The following KCNIP4 variants were observed in gnomAD, a reference collection of about 807,000 sequenced individuals.
KCNIP4 encodes Kv channel-interacting protein 4.
Under a neutral mutation model 34.0 loss-of-function variants are expected in KCNIP4, and 12 were observed. The observed-to-expected ratio is 0.35, with a 90% CI of 0.23 to 0.57. KCNIP4 has a LOEUF of 0.57. Among genes scored for constraint, KCNIP4 ranks in the 20% least tolerant of loss-of-function variants. The pLI, the probability that KCNIP4 is intolerant of heterozygous loss-of-function variation, is 0.83. For synonymous variants in KCNIP4, 124 were observed against 102.2 expected, an observed-to-expected ratio of 1.21 and a Z score of -1.29; for missense variants, 238 against 311.7, an observed-to-expected ratio of 0.76 and a Z score of 1.78.
chr4:21,411,671 AAAC>A (rs761769151), intron 1 of KCNIP4, among the ~76,000 whole-genome samples: 1 of 152,006 alleles, frequency 6.6e-6, no homozygotes, highest in Non-Finnish European at 1.5e-5. Context: ...ATAAACAAAC[AAAC>A]AACAACAAAT....
intron 1 of KCNIP4, among the ~76,000 whole-genome samples, chr4:21,396,746 G>A (rs1289967872): frequency 6.6e-6 from 1 of 152,046 alleles, no homozygotes; most frequent in Non-Finnish European, 1.5e-5. Context: ...AGCTGGAATG[G>A]TGAAAGCAGT....
At chr4:20,869,005 TAGAC>T (rs1553909182) in intron 2 of KCNIP4, among the ~76,000 whole-genome samples, 10 of 152,100 alleles carry the variant, frequency 6.6e-5, no homozygotes, top group Non-Finnish European at 1.3e-4. Context: ...TGTAAAGAGA[TAGAC>T]ATACAGGTAA....
chr4:21,409,484 G>A lies in KCNIP4; in HGVS notation c.62-526775C>T, dbSNP rs115625722. 8.1e-3 allele frequency among the ~76,000 whole-genome samples: 1,224 copies of A among 152,006 alleles called. 10 individuals carry two copies. Among genetic ancestry groups the A allele is most frequent in the South Asian group, 0.025 (121 of 4,818 alleles). On this transcript the variant is annotated intron_variant, in intron 1 of 8. Transcript: ENST00000382152. ...ATTTCAATAAAGATCAAGCATCTGT[G>A]CTGAAAATTTACCATATGAATTAAA...
chr4:21,520,388 GTCTACTGTATT>G (rs1735423686), intron 1 of KCNIP4, among the ~76,000 whole-genome samples: 1 of 152,084 alleles, frequency 6.6e-6, no homozygotes, highest in African/African-American at 2.4e-5. Flanking sequence ...AAGCCACCAG[GTCTACTGTATT>G]TTGTTATAGT....
chr4:21,078,886 G>C (rs1385014993), intron 1 of KCNIP4, among the ~76,000 whole-genome samples: 1 of 152,044 alleles, frequency 6.6e-6, no homozygotes, highest in African/African-American at 2.4e-5. Context: ...GTTCAAACTG[G>C]GGAGAGTGAC....
At chr4:21,935,945 C>A (rs1234947007) in intron 1 of KCNIP4, among the ~76,000 whole-genome samples, 2 of 134,858 alleles carry the variant, frequency 1.5e-5, no homozygotes, top group East Asian at 4.8e-4. Flanking sequence ...AACAAATATA[C>A]CCAAAAGAAA....
chr4:21,361,231 T>G (rs1337236353), intron 1 of KCNIP4, among the ~76,000 whole-genome samples: 1 of 152,118 alleles, frequency 6.6e-6, no homozygotes, highest in Non-Finnish European at 1.5e-5. Context: ...ACTTGTTAGC[T>G]GATTGACTCA....
At chr4:21,445,764 T>C (rs1365749245) in intron 1 of KCNIP4, among the ~76,000 whole-genome samples, 1 of 152,074 alleles carries the variant, frequency 6.6e-6, no homozygotes, top group Admixed American at 6.6e-5. Context: ...AAAGCCAAAA[T>C]TGACAAATGG....
chr4:21,240,387 G>GA (rs1031052135), intron 1 of KCNIP4, among the ~76,000 whole-genome samples: 2 of 151,856 alleles, frequency 1.3e-5, no homozygotes, highest in East Asian at 1.9e-4. Flanking sequence ...ATAATAAAAT[G>GA]AAAAAATTTA....
intron 1 of KCNIP4, among the ~76,000 whole-genome samples, chr4:21,297,509 T>C (rs1202271691): frequency 1.3e-5 from 2 of 152,174 alleles, no homozygotes; most frequent in Non-Finnish European, 2.9e-5. Context: ...AAACAGGTTA[T>C]GTTTGAAGTT....
rs184485169 is a variant in KCNIP4, at chr4:21,103,900, C to T, written c.62-221191G>A. On this transcript the variant is annotated intron_variant, in intron 1 of 8. Transcript: ENST00000382152. ...ACTTCCAATTTCATCCATGTCCCTACGAAGGACATGAACTCATCATTTTTT... is the reference window on the plus strand; with the variant it reads ...ACTTCCAATTTCATCCATGTCCCTATGAAGGACATGAACTCATCATTTTTT... Among the ~76,000 whole-genome samples, 285 of 151,920 alleles carry T rather than the reference C, an allele frequency of 1.9e-3. 1 individual carries two copies. Among genetic ancestry groups the T allele is most frequent in the Middle Eastern group, 3.4e-3 (1 of 294 alleles).
In KCNIP4 at chr4:21,695,634, A is replaced by G. The variant is rs183692080; in HGVS notation, c.61+252937T>C. Among the ~76,000 whole-genome samples, 291 of 152,234 alleles carry G rather than the reference A, an allele frequency of 1.9e-3. 1 individual carries two copies. Among genetic ancestry groups the G allele is most frequent in the African/African-American group, 6.7e-3 (280 of 41,548 alleles). ...ATGGTTTACAGTTTCCCAACCACTTACCATTTTCGTAAAATTCTTTGAAAT... is the reference window on the plus strand; with the variant it reads ...ATGGTTTACAGTTTCCCAACCACTTGCCATTTTCGTAAAATTCTTTGAAAT... On this transcript the variant is annotated intron_variant, in intron 1 of 8. Transcript: ENST00000382152.
At chr4:21,381,618 A>G (rs1026498060) in intron 1 of KCNIP4, among the ~76,000 whole-genome samples, 1 of 152,214 alleles carries the variant, frequency 6.6e-6, no homozygotes, top group African/African-American at 2.4e-5. Flanking sequence ...GTTTGAATTC[A>G]CTATATTGAT....
At chr4:20,927,331 A>T (rs1438077698) in intron 1 of KCNIP4, among the ~76,000 whole-genome samples, 3 of 152,158 alleles carry the variant, frequency 2.0e-5, no homozygotes, top group Non-Finnish European at 4.4e-5. Flanking sequence ...GAATGTGGCT[A>T]AATGGCCTTT....
intron 1 of KCNIP4, among the ~76,000 whole-genome samples, chr4:21,330,965 C>T (rs767620236): frequency 2.2e-4 from 33 of 152,114 alleles, no homozygotes; most frequent in Non-Finnish European, 3.7e-4. Context: ...TAAAGCCCAA[C>T]CTGGATCAGG....
chr4:21,554,279 T>C (rs1046231814), intron 1 of KCNIP4, among the ~76,000 whole-genome samples: 1 of 151,558 alleles, frequency 6.6e-6, no homozygotes, highest in South Asian at 2.1e-4. Flanking sequence ...GAGTGGCTGG[T>C]GGCACAGCAA....
intron 1 of KCNIP4, among the ~76,000 whole-genome samples, chr4:21,390,530 G>A (rs1722469567): frequency 6.6e-6 from 1 of 152,142 alleles, no homozygotes; most frequent in Non-Finnish European, 1.5e-5. Flanking sequence ...TGGCTAGCCA[G>A]TTTTCCCAGC....
chr4:21,169,028 G>T (rs1201303388), intron 1 of KCNIP4, among the ~76,000 whole-genome samples: 2 of 152,166 alleles, frequency 1.3e-5, no homozygotes, highest in Admixed American at 6.5e-5. Context: ...TAGCCCTAGG[G>T]ATGTTGCATT....
chr4:21,315,684 G>T (rs200255110), intron 1 of KCNIP4, among the ~76,000 whole-genome samples: 1 of 152,206 alleles, frequency 6.6e-6, no homozygotes, highest in African/African-American at 2.4e-5. Context: ...TGGTTATTTT[G>T]CTCCCAAGGT....
Sources: gnomAD v4.1 joint callset for allele counts (sites outside exome capture counted in the v4.1 genomes callset) on GRCh38, gnomAD v4.1.1 for gene constraint, MANE v1.5 for transcripts, NCBI Gene and HGNC (gene_info 2026-07-23, HGNC 2026-07-21) for gene names.